The following NEDD4L variants were observed in gnomAD, a reference collection of about 807,000 sequenced individuals.
NEDD4L encodes the protein E3 ubiquitin-protein ligase NEDD4-like.
A neutral mutation model predicts 148.9 loss-of-function variants in NEDD4L; 54 were observed. The observed-to-expected ratio is 0.36, with a 90% CI of 0.29 to 0.45. The LOEUF is 0.45. NEDD4L is among the 20% of genes least tolerant of loss of function. NEDD4L has a pLI of 1.00. For missense variants in NEDD4L, 856 were observed against 1,233.8 expected (o/e 0.69, Z 4.59); for synonymous variants, 433 against 440.7 (o/e 0.98, Z 0.22).
intron 1 of NEDD4L, among the ~76,000 whole-genome samples, chr18:58,082,104 T>TATATATATATA (rs2083481997): frequency 1.5e-5 from 1 of 68,854 alleles, no homozygotes; most frequent in African/African-American, 7.3e-5. Context: ...ATATATATAT[T>TATATATATATA]TTTTTTTTTT....
chr18:58,290,026 T>G (rs1391584320), intron 5 of NEDD4L, among the ~76,000 whole-genome samples: 2 of 152,272 alleles, frequency 1.3e-5, no homozygotes, highest in East Asian at 3.8e-4. Context: ...TTCATCTATT[T>G]GTATGATTAA....
At chr18:58,264,588 A>G (rs1433644291) in intron 5 of NEDD4L, among the ~76,000 whole-genome samples, 2 of 152,190 alleles carry the variant, frequency 1.3e-5, no homozygotes, top group East Asian at 3.9e-4. Context: ...TAACATGCAT[A>G]CAGTGTGTAA....
intron 1 of NEDD4L, among the ~76,000 whole-genome samples, chr18:58,050,344 C>T (rs8092126): frequency 0.9 from 137,313 of 152,022 alleles, 62,097 homozygotes; most frequent in East Asian, 1. Flanking sequence ...GTGGTGGACA[C>T]CTGTAATCCC....
intron 24 of NEDD4L, among the ~76,000 whole-genome samples, chr18:58,379,266 G>A (rs910462665): frequency 2.6e-5 from 4 of 152,188 alleles, no homozygotes; most frequent in Non-Finnish European, 5.9e-5. Flanking sequence ...TTCTGCCTCC[G>A]GGATGCTGTC....
At chr18:58,093,491 C>CGA in intron 1 of NEDD4L, among the ~76,000 whole-genome samples, 1 of 151,832 alleles carries the variant, frequency 6.6e-6, no homozygotes, top group Non-Finnish European at 1.5e-5. Flanking sequence ...GTAGGAGTAG[C>CGA]GAGCTAGAGT....
chr18:58,069,839 GA>G (rs1308411768), intron 1 of NEDD4L, among the ~76,000 whole-genome samples: 1 of 152,208 alleles, frequency 6.6e-6, no homozygotes, highest in East Asian at 1.9e-4. Flanking sequence ...GATTGTTCAA[GA>G]AAACACTGGG....
intron 5 of NEDD4L, among the ~76,000 whole-genome samples, chr18:58,275,031 G>A (rs2051662499): frequency 6.6e-6 from 1 of 152,152 alleles, no homozygotes; most frequent in Non-Finnish European, 1.5e-5. Context: ...CAAAGTGGAG[G>A]TTGGGGTGTC....
chr18:58,300,915 A>G (rs2056376633), intron 5 of NEDD4L, among the ~76,000 whole-genome samples: 5 of 152,246 alleles, frequency 3.3e-5, no homozygotes, highest in Admixed American at 3.3e-4. Flanking sequence ...TTTGTCCAAA[A>G]TAGACACTAA....
At chr18:58,364,171 T>C (rs1479604559) in intron 19 of NEDD4L, 97 bp from the exon 20 acceptor site, 1 of 748,288 alleles carries the variant, frequency 1.3e-6, no homozygotes, top group Non-Finnish European at 2.3e-6. Context: ...GAATTTACGG[T>C]TTATGACTCA....
intron 2 of NEDD4L, among the ~76,000 whole-genome samples, chr18:58,181,682 C>T (rs1307385669): frequency 6.6e-6 from 1 of 152,162 alleles, no homozygotes; most frequent in African/African-American, 2.4e-5. Context: ...TCAAGCGATC[C>T]TCCTGTCGTG....
At chr18:58,151,423 C>A (rs1168065646) in intron 1 of NEDD4L, among the ~76,000 whole-genome samples, 1 of 152,122 alleles carries the variant, frequency 6.6e-6, no homozygotes, top group Admixed American at 6.5e-5. Context: ...TTGGATGTTT[C>A]CTGCATTATG....
rs1295092426 is a variant in NEDD4L at position 58,130,595 on chromosome 18, T to G, written c.49-35193T>G. ...GTGGCGGTGTTGGGCTCTGTTGGGG[T>G]TTGGTTGACTGTGATCTAGCAGAAC... On this transcript the variant is annotated intron_variant, in intron 1 of 30. Coordinates refer to ENST00000400345, the MANE Select transcript of NEDD4L (RefSeq NM_001144967.3). 1.1e-4 allele frequency among the ~76,000 whole-genome samples: 14 copies of G among 130,234 alleles called. 1 individual carries two copies. Among genetic ancestry groups the G allele is most frequent in the Non-Finnish European group, 1.3e-4 (8 of 61,456 alleles). 85.4% of individuals were successfully genotyped at this position (130,234 alleles called of 152,430 possible).
At chr18:58,301,459 C>A (rs1408621814) in intron 5 of NEDD4L, among the ~76,000 whole-genome samples, 1 of 152,206 alleles carries the variant, frequency 6.6e-6, no homozygotes. Flanking sequence ...GGTTTTCTTT[C>A]CAGGGAGGTA....
At chr18:58,133,553 A>C (rs2032444287) in intron 1 of NEDD4L, among the ~76,000 whole-genome samples, 1 of 152,222 alleles carries the variant, frequency 6.6e-6, no homozygotes, top group Non-Finnish European at 1.5e-5. Context: ...GGAGGCGAGA[A>C]ATATGTGTAA....
At chr18:58,110,608 G>A (rs1179824644) in intron 1 of NEDD4L, among the ~76,000 whole-genome samples, 7 of 152,160 alleles carry the variant, frequency 4.6e-5, no homozygotes, top group African/African-American at 1.4e-4. Flanking sequence ...CCGAGGGAGC[G>A]CTGTGCCACC....
At chr18:58,392,971 G>C (rs968531233) in intron 30 of NEDD4L, among the ~76,000 whole-genome samples, 3 of 152,192 alleles carry the variant, frequency 2.0e-5, no homozygotes, top group African/African-American at 4.8e-5. Flanking sequence ...GGCTGGCCCA[G>C]GGCTCACCAG....
At position 58,255,694 on chromosome 18, in the gene NEDD4L, C is replaced by G. The variant is rs977009705; in HGVS notation, c.297+3640C>G. ...GCTCTGGTCGCAGCAACACAGCCCC[C>G]GAATCAGACATCCTAGACCAGGAGA... On this transcript the variant is annotated intron_variant, in intron 5 of 30. Transcript: ENST00000400345. The G allele has an allele frequency of 1.6e-4, 193 of 1,232,288 alleles. 1 individual carries two copies. Among genetic ancestry groups the G allele is most frequent in the Non-Finnish European group, 1.9e-4 (188 of 988,216 alleles). 76.3% of individuals were successfully genotyped at this position (1,232,288 alleles called of 1,614,324 possible). A position where few individuals can be genotyped will look rare whatever the true frequency, so the allele number is the denominator to read the frequency against.
At chr18:58,056,722 A>G (rs903242420) in intron 1 of NEDD4L, among the ~76,000 whole-genome samples, 1 of 152,050 alleles carries the variant, frequency 6.6e-6, no homozygotes, top group African/African-American at 2.4e-5. Flanking sequence ...CTGGGACTAC[A>G]GGCATGTACC....
At chr18:58,165,622 A>G in intron 1 of NEDD4L, 166 bp from the exon 2 acceptor site, 2 of 1,498,404 alleles carry the variant, frequency 1.3e-6, no homozygotes, top group East Asian at 5.0e-5. Flanking sequence ...GAGCTGGAAT[A>G]TTGCTTTTTG....
Sources: gnomAD v4.1 joint callset for allele counts (sites outside exome capture counted in the v4.1 genomes callset) on GRCh38, gnomAD v4.1.1 for gene constraint, MANE v1.5 for transcripts, NCBI Gene and HGNC (gene_info 2026-07-23, HGNC 2026-07-21) for gene names.